Variants in CRB1 observed in about 807,000 individuals in gnomAD.
CRB1 encodes protein crumbs homolog 1.
A neutral mutation model predicts 120.0 loss-of-function variants in CRB1; 83 were observed. The observed-to-expected ratio is 0.69, with a 90% CI of 0.58 to 0.83. The LOEUF is 0.83. Among genes scored for constraint, CRB1 ranks in the 40% least tolerant of loss-of-function variants. CRB1 has a pLI of 0.00. For missense variants in CRB1, 1,699 were observed against 1,687.6 expected (o/e 1.01, Z -0.12); for synonymous variants, 625 against 612.5 (o/e 1.02, Z -0.30).
At chr1:197,372,077 T>C (rs1449250734) in intron 5 of CRB1, among the ~76,000 whole-genome samples, 1 of 152,148 alleles carries the variant, frequency 6.6e-6, no homozygotes, top group Non-Finnish European at 1.5e-5. Context: ...TTAATGTGAC[T>C]GACAGAGACT....
chr1:197,421,706 T>C lies in CRB1; in HGVS notation c.1878T>C (p.Ala626=), dbSNP rs1413323140. 4 of 1,614,204 alleles carry C rather than the reference T, an allele frequency of 2.5e-6. No individual in the cohort carries two copies. In the East Asian group the frequency reaches 6.7e-5, roughly 27 times the overall value. ...TGGGAATGACCAGCAATGGTGTTGC[T>C]CTGCTTAACTTCTATAATATGCCAT... is the stretch of plus-strand genomic sequence containing the variant. The part of the protein sequence containing the change: ...LPVGMTSNGV[A]LLNFYNMPST... Residue 626 remains alanine, a synonymous_variant, in exon 6 of 12, where the codon GCT becomes GCC. Coordinates refer to ENST00000367400, the MANE Select transcript of CRB1 (RefSeq NM_201253.3).
chr1:197,306,985 GT>G (rs1408199821), intron 1 of CRB1, among the ~76,000 whole-genome samples: 1 of 152,048 alleles, frequency 6.6e-6, no homozygotes, highest in Non-Finnish European at 1.5e-5. Context: ...CCCTCTTATA[GT>G]AAAAACAAAT....
At chr1:197,400,495 A>G (rs1037447744) in intron 5 of CRB1, among the ~76,000 whole-genome samples, 4 of 150,820 alleles carry the variant, frequency 2.7e-5, no homozygotes, top group Non-Finnish European at 4.4e-5. Context: ...GATGATGATG[A>G]TGATGATGTA....
At chr1:197,448,024 C>G (rs1286358431) in intron 11 of CRB1, among the ~76,000 whole-genome samples, 2 of 152,082 alleles carry the variant, frequency 1.3e-5, no homozygotes, top group African/African-American at 4.8e-5. Flanking sequence ...TTAAAAAATT[C>G]TGACTTTTTT....
At chr1:197,445,649 ACTT>A (rs908448419) in intron 11 of CRB1, among the ~76,000 whole-genome samples, 13 of 152,332 alleles carry the variant, frequency 8.5e-5, no homozygotes, top group Non-Finnish European at 1.3e-4. Context: ...TTAAAATTAA[ACTT>A]CTTCTGCAAA....
intron 5 of CRB1, among the ~76,000 whole-genome samples, chr1:197,382,078 G>A (rs1277690045): frequency 5.9e-5 from 9 of 152,168 alleles, no homozygotes; most frequent in African/African-American, 9.7e-5. Context: ...TGATGGTGAC[G>A]GGGAGTAGGG....
chr1:197,316,962 A>C (rs370399320), intron 1 of CRB1, among the ~76,000 whole-genome samples: 7 of 152,278 alleles, frequency 4.6e-5, no homozygotes, highest in African/African-American at 1.7e-4. Context: ...AATTTAACCA[A>C]GGAGGTGAAA....
chr1:197,380,005 A>G (rs1661865994), intron 5 of CRB1, among the ~76,000 whole-genome samples: 2 of 152,202 alleles, frequency 1.3e-5, no homozygotes, highest in South Asian at 2.1e-4. Flanking sequence ...TCTTTAATAC[A>G]TGACCATCTC....
intron 1 of CRB1, among the ~76,000 whole-genome samples, chr1:197,269,797 A>C (rs1446388393): frequency 1.3e-5 from 2 of 152,192 alleles, no homozygotes. Context: ...TGAATGTATG[A>C]TATCTTTAAT....
intron 1 of CRB1, among the ~76,000 whole-genome samples, chr1:197,281,646 G>A (rs1009200892): frequency 2.6e-5 from 4 of 151,890 alleles, no homozygotes; most frequent in African/African-American, 7.2e-5. Context: ...CTCAAACAGC[G>A]TGGTCCTGGT....
intron 11 of CRB1, among the ~76,000 whole-genome samples, chr1:197,466,136 G>A (rs1159132201): frequency 6.6e-6 from 1 of 152,192 alleles, no homozygotes; most frequent in South Asian, 2.1e-4. Flanking sequence ...GGACACAGCA[G>A]GAGTTGGCAC....
chr1:197,278,377 GAAC>G (rs776437428), intron 1 of CRB1, among the ~76,000 whole-genome samples: 5 of 151,884 alleles, frequency 3.3e-5, no homozygotes, highest in Non-Finnish European at 5.9e-5. Context: ...TCCAAAACAA[GAAC>G]AACAACAAAA....
intron 8 of CRB1, among the ~76,000 whole-genome samples, chr1:197,432,375 C>T (rs1365451440): frequency 1.3e-5 from 2 of 149,750 alleles, no homozygotes; most frequent in Admixed American, 1.3e-4. Context: ...CACACACACA[C>T]ACACACACAC....
At chr1:197,286,481 G>T (rs1371532022) in intron 1 of CRB1, among the ~76,000 whole-genome samples, 1 of 151,846 alleles carries the variant, frequency 6.6e-6, no homozygotes, top group Admixed American at 6.6e-5. Context: ...GATAACCATA[G>T]ACCTTAGAAA....
At chr1:197,374,450 C>G (rs147195605) in intron 5 of CRB1, among the ~76,000 whole-genome samples, 9 of 152,210 alleles carry the variant, frequency 5.9e-5, no homozygotes, top group African/African-American at 1.7e-4. Flanking sequence ...TCTTGCCCCC[C>G]CTGCATGCCA....
At chr1:197,334,732 G>A (rs1262572481) in intron 2 of CRB1, among the ~76,000 whole-genome samples, 2 of 152,146 alleles carry the variant, frequency 1.3e-5, no homozygotes, top group African/African-American at 2.4e-5. Context: ...TAAGACACAT[G>A]ATATGGATTT....
At chr1:197,302,505 A>T (rs776753216) in intron 1 of CRB1, among the ~76,000 whole-genome samples, 5 of 152,152 alleles carry the variant, frequency 3.3e-5, no homozygotes, top group Non-Finnish European at 7.4e-5. Context: ...AGGGATAAAT[A>T]AAAAGTAAGC....
At chr1:197,209,852 G>T in the CRB1 span, among the ~76,000 whole-genome samples, 1 of 152,302 alleles carries the variant, frequency 6.6e-6, no homozygotes, top group African/African-American at 2.4e-5. Flanking sequence ...GGACCTTCAG[G>T]TTCCCCAGTG....
chr1:197,425,577 A>G (rs533890277), intron 6 of CRB1, among the ~76,000 whole-genome samples: 49 of 152,310 alleles, frequency 3.2e-4, no homozygotes, highest in East Asian at 1.4e-3. Flanking sequence ...CAAGTTATCA[A>G]TGCTTTCTAG....
Sources: gnomAD v4.1 joint callset for allele counts (sites outside exome capture counted in the v4.1 genomes callset) on GRCh38, gnomAD v4.1.1 for gene constraint, MANE v1.5 for transcripts, NCBI Gene and HGNC (gene_info 2026-07-23, HGNC 2026-07-21) for gene names.